The following ASTN2 variants were observed in gnomAD, a reference collection of about 807,000 sequenced individuals.
The protein encoded by ASTN2 is astrotactin 2.
A neutral mutation model predicts 139.8 loss-of-function variants in ASTN2; 54 were observed. The observed-to-expected ratio is 0.39, with a 90% CI of 0.31 to 0.48. ASTN2 has a LOEUF of 0.48. ASTN2 is among the 20% of genes least tolerant of loss of function. ASTN2 has a pLI of 0.95. For missense variants in ASTN2, 1,565 were observed against 1,725.1 expected (o/e 0.91, Z 1.64); for synonymous variants, 756 against 719.5 (o/e 1.05, Z -0.81).
chr9:117,009,587 CTGA>C (rs1178351156), intron 6 of ASTN2, among the ~76,000 whole-genome samples: 5 of 152,278 alleles, frequency 3.3e-5, no homozygotes, highest in African/African-American at 1.2e-4. Context: ...TGAGTCTAGA[CTGA>C]TGGCAGATCT....
At chr9:116,931,475 G>C (rs1293358330) in intron 10 of ASTN2, among the ~76,000 whole-genome samples, 1 of 152,176 alleles carries the variant, frequency 6.6e-6, no homozygotes, top group Non-Finnish European at 1.5e-5. Flanking sequence ...TGAGTTTTAA[G>C]GCAGATTCTT....
At chr9:117,206,914 T>A (rs1347245708) in intron 3 of ASTN2, among the ~76,000 whole-genome samples, 1 of 152,066 alleles carries the variant, frequency 6.6e-6, no homozygotes, top group African/African-American at 2.4e-5. Context: ...ACTACAGATA[T>A]ATCCCTGGCC....
At chr9:116,765,997 TGA>T (rs995578079) in intron 13 of ASTN2, among the ~76,000 whole-genome samples, 1 of 152,162 alleles carries the variant, frequency 6.6e-6, no homozygotes, top group Non-Finnish European at 1.5e-5. Context: ...CTTTCAATAC[TGA>T]GTGAAAAGGG....
chr9:116,745,809 T>G (rs1223672347), intron 13 of ASTN2, among the ~76,000 whole-genome samples: 1 of 152,224 alleles, frequency 6.6e-6, no homozygotes, highest in African/African-American at 2.4e-5. Flanking sequence ...AACACAAATA[T>G]GTCATTAGCT....
chr9:116,437,607 C>A (rs1186253912), intron 22 of ASTN2: 1 of 470,302 alleles, frequency 2.1e-6, no homozygotes, highest in Non-Finnish European at 4.4e-6. Context: ...AAGACAAAGT[C>A]AGAAGTGGAG....
intron 17 of ASTN2, among the ~76,000 whole-genome samples, chr9:116,632,192 G>A (rs1439879708): frequency 1.2e-3 from 14 of 11,460 alleles, no homozygotes; most frequent in African/African-American, 5.9e-3. Context: ...GAGGGAGAGA[G>A]AGAGAAAGAA....
intron 16 of ASTN2, among the ~76,000 whole-genome samples, chr9:116,708,112 C>T (rs183714711): frequency 3.8e-4 from 57 of 150,008 alleles, no homozygotes; most frequent in African/African-American, 1.3e-3. Context: ...TTAATATGGC[C>T]CAATTTAAAT....
chr9:117,150,976 C>T (rs949488480), intron 3 of ASTN2, among the ~76,000 whole-genome samples: 5 of 152,140 alleles, frequency 3.3e-5, no homozygotes, highest in East Asian at 3.9e-4. Flanking sequence ...ACTGGGAATG[C>T]GGGTGTGAGC....
At chr9:117,348,259 C>T (rs1451992592) in intron 1 of ASTN2, among the ~76,000 whole-genome samples, 2 of 152,152 alleles carry the variant, frequency 1.3e-5, no homozygotes, top group African/African-American at 2.4e-5. Context: ...CTAAAATTGA[C>T]CACTCTGACT....
intron 1 of ASTN2, 143 bp from the exon 2 acceptor site, chr9:117,291,656 A>G (rs1834597392): frequency 1.5e-6 from 1 of 648,642 alleles, no homozygotes; most frequent in Admixed American, 3.1e-5. Context: ...TCTATGAGAT[A>G]GGGATCATCA....
At chr9:117,173,626 T>C (rs1830845034) in intron 3 of ASTN2, among the ~76,000 whole-genome samples, 1 of 151,906 alleles carries the variant, frequency 6.6e-6, no homozygotes, top group Non-Finnish European at 1.5e-5. Flanking sequence ...AATAAAAATG[T>C]CCAAATAATA....
chr9:117,030,760 A>G (rs1486770095), intron 6 of ASTN2, among the ~76,000 whole-genome samples: 1 of 140,090 alleles, frequency 7.1e-6, no homozygotes, highest in African/African-American at 2.9e-5. Flanking sequence ...AGATTTGAAG[A>G]AAAAAAAAAA....
chr9:116,809,263 G>A (rs1245750324), intron 12 of ASTN2, among the ~76,000 whole-genome samples: 2 of 152,104 alleles, frequency 1.3e-5, no homozygotes, highest in African/African-American at 4.8e-5. Flanking sequence ...ATTTAGTTTT[G>A]AATGTAGTGT....
At chr9:116,507,360 C>T (rs1441032473) in intron 19 of ASTN2, among the ~76,000 whole-genome samples, 1 of 152,112 alleles carries the variant, frequency 6.6e-6, no homozygotes, top group Non-Finnish European at 1.5e-5. Context: ...GAGAAACAGG[C>T]ACAGAAGGGA....
intron 6 of ASTN2, among the ~76,000 whole-genome samples, chr9:117,015,994 T>C (rs1050926291): frequency 6.6e-6 from 1 of 152,180 alleles, no homozygotes; most frequent in Non-Finnish European, 1.5e-5. Flanking sequence ...CATGAAATTT[T>C]AATACCAGAG....
At chr9:116,991,093 T>C (rs1057257373) in intron 7 of ASTN2, among the ~76,000 whole-genome samples, 2 of 152,142 alleles carry the variant, frequency 1.3e-5, no homozygotes, top group African/African-American at 2.4e-5. Flanking sequence ...TAAGAGACCA[T>C]TCAACATCGT....
chr9:117,346,270 A>G lies in ASTN2; in HGVS notation c.443-54757T>C, dbSNP rs1307924245. ...AAGGTAAGGCATAGAACACTAGGAAACAGTATAACCAACGTAGAGTTTACT... is the reference window on the plus strand; with the variant it reads ...AAGGTAAGGCATAGAACACTAGGAAGCAGTATAACCAACGTAGAGTTTACT... On this transcript the variant is annotated intron_variant, in intron 1 of 22. Coordinates refer to ENST00000313400, the MANE Select transcript of ASTN2 (RefSeq NM_001365068.1). 2.6e-5 allele frequency among the ~76,000 whole-genome samples: 4 copies of G among 152,184 alleles called. No homozygotes were observed. The East Asian group carries it at 7.7e-4, about 29-fold the overall frequency.
chr9:116,460,090 T>C (rs1025026966), intron 20 of ASTN2, among the ~76,000 whole-genome samples: 1 of 152,146 alleles, frequency 6.6e-6, no homozygotes, highest in Non-Finnish European at 1.5e-5. Flanking sequence ...ATGAAGTCCT[T>C]ATTCAAGCTA....
At chr9:116,832,739 T>G (rs1454843637) in intron 11 of ASTN2, among the ~76,000 whole-genome samples, 1 of 152,108 alleles carries the variant, frequency 6.6e-6, no homozygotes, top group African/African-American at 2.4e-5. Flanking sequence ...CTTTTATGTA[T>G]TGTTGAATCC....
Sources: gnomAD v4.1 joint callset for allele counts (sites outside exome capture counted in the v4.1 genomes callset) on GRCh38, gnomAD v4.1.1 for gene constraint, MANE v1.5 for transcripts, NCBI Gene and HGNC (gene_info 2026-07-23, HGNC 2026-07-21) for gene names.